The following PDSS2 variants were observed in gnomAD, a reference collection of about 807,000 sequenced individuals.
PDSS2 encodes all trans-polyprenyl-diphosphate synthase PDSS2.
Under a neutral mutation model 44.5 loss-of-function variants are expected in PDSS2, and 31 were observed. The ratio of observed to expected loss-of-function variants is 0.70; its 90% confidence interval spans 0.52 to 0.94. The LOEUF is 0.94. PDSS2 is among the 40% of genes least tolerant of loss of function. PDSS2 has a pLI of 0.00. For missense variants in PDSS2, 452 were observed against 482.2 expected (o/e 0.94, Z 0.59); for synonymous variants, 157 against 180.3 (o/e 0.87, Z 1.03).
chr6:107,260,079 A>C (rs1187341601), intron 3 of PDSS2, among the ~76,000 whole-genome samples: 1 of 152,220 alleles, frequency 6.6e-6, no homozygotes, highest in Non-Finnish European at 1.5e-5. Context: ...TTAAAAAGAA[A>C]CTTGCTTGGC....
At chr6:107,264,960 C>T (rs1206951517) in intron 3 of PDSS2, among the ~76,000 whole-genome samples, 5 of 152,098 alleles carry the variant, frequency 3.3e-5, no homozygotes, top group African/African-American at 1.2e-4. Context: ...CAGTGAAGTA[C>T]TAAAATAAAA....
chr6:107,233,037 A>C (rs529063698), intron 4 of PDSS2, among the ~76,000 whole-genome samples: 117 of 152,150 alleles, frequency 7.7e-4, no homozygotes, highest in Non-Finnish European at 1.4e-3. Context: ...GACTGGTCTC[A>C]AACTCCTGGG....
At chr6:107,320,896 A>T (rs1016719530) in intron 2 of PDSS2, among the ~76,000 whole-genome samples, 6 of 152,194 alleles carry the variant, frequency 3.9e-5, no homozygotes, top group African/African-American at 1.4e-4. Flanking sequence ...ACCCTACTTC[A>T]TAGGTTGTCT....
intron 3 of PDSS2, among the ~76,000 whole-genome samples, chr6:107,246,683 T>C (rs992995630): frequency 2.0e-5 from 3 of 152,232 alleles, no homozygotes; most frequent in Non-Finnish European, 4.4e-5. Context: ...TGACATTAAT[T>C]TGTAGAAAGA....
rs563436685 is a variant in PDSS2, at chr6:107,323,829, T to A, written c.431+10369A>T. Among the ~76,000 whole-genome samples the A allele has an allele frequency of 1.8e-4, 27 of 152,338 alleles. No individual in the cohort carries two copies. The East Asian group carries it at 4.8e-3, about 27-fold the overall frequency. On this transcript the variant is annotated intron_variant, in intron 2 of 7. Coordinates refer to ENST00000369037, the MANE Select transcript of PDSS2 (RefSeq NM_020381.4). Reference sequence around the variant, plus strand: ...CAGCCCTTCTTTAAGGAAAGGATTTTAAAATTTTTTACTATTAACAAAAAC... The same window carrying A: ...CAGCCCTTCTTTAAGGAAAGGATTTAAAAATTTTTTACTATTAACAAAAAC...
chr6:107,402,533 T>TATATA (rs1780174021), intron 1 of PDSS2, among the ~76,000 whole-genome samples: 1 of 63,816 alleles, frequency 1.6e-5, no homozygotes, highest in Admixed American at 1.7e-4. Context: ...TACATACATT[T>TATATA]TATATATATA....
At chr6:107,404,710 A>G (rs556949176) in intron 1 of PDSS2, among the ~76,000 whole-genome samples, 3 of 152,304 alleles carry the variant, frequency 2.0e-5, no homozygotes, top group Admixed American at 6.5e-5. Flanking sequence ...CCATGATTCA[A>G]TTACCTTCCC....
chr6:107,389,597 A>G (rs559826422), intron 1 of PDSS2, among the ~76,000 whole-genome samples: 1 of 152,332 alleles, frequency 6.6e-6, no homozygotes, highest in African/African-American at 2.4e-5. Context: ...GCTACAAGGA[A>G]TACTGTGGTA....
chr6:107,269,857 G>A (rs1011843700), intron 3 of PDSS2, among the ~76,000 whole-genome samples: 1 of 152,008 alleles, frequency 6.6e-6, no homozygotes. Context: ...AGTAGAGACG[G>A]GGTTTCACTA....
At chr6:107,164,584 G>C (rs1771270448) in intron 7 of PDSS2, among the ~76,000 whole-genome samples, 1 of 152,136 alleles carries the variant, frequency 6.6e-6, no homozygotes, top group Non-Finnish European at 1.5e-5. Context: ...CATTTGGGTT[G>C]GTTCCAAGTC....
intron 1 of PDSS2, among the ~76,000 whole-genome samples, chr6:107,347,542 C>T (rs1010260594): frequency 1.3e-5 from 2 of 152,008 alleles, no homozygotes; most frequent in East Asian, 1.9e-4. Flanking sequence ...AGATTACAGG[C>T]GTGAGCCACT....
At chr6:107,167,480 A>G (rs2114344244) in intron 7 of PDSS2, among the ~76,000 whole-genome samples, 1 of 152,192 alleles carries the variant, frequency 6.6e-6, no homozygotes, top group Middle Eastern at 3.4e-3. Flanking sequence ...TGTCTCCTTC[A>G]GTTCTGCTCT....
intron 7 of PDSS2, among the ~76,000 whole-genome samples, chr6:107,189,941 G>A (rs565153046): frequency 8.8e-4 from 134 of 151,968 alleles, no homozygotes; most frequent in South Asian, 1.5e-3. Flanking sequence ...AAAAATAGCC[G>A]GGTGTGGTGA....
chr6:107,206,272 A>G (rs1253266429), intron 6 of PDSS2, among the ~76,000 whole-genome samples: 2 of 152,076 alleles, frequency 1.3e-5, no homozygotes, highest in Non-Finnish European at 2.9e-5. Context: ...GGGTTTCACC[A>G]TGTTGGACAG....
chr6:107,384,338 T>C (rs1392523200), intron 1 of PDSS2, among the ~76,000 whole-genome samples: 1 of 152,052 alleles, frequency 6.6e-6, no homozygotes, highest in African/African-American at 2.4e-5. Context: ...ACTCTGTAAA[T>C]ACACTAAAAC....
intron 4 of PDSS2, among the ~76,000 whole-genome samples, chr6:107,213,164 C>G (rs1773285997): frequency 6.6e-6 from 1 of 151,886 alleles, no homozygotes; most frequent in East Asian, 2.0e-4. Context: ...CATGCACCAC[C>G]ACACCAAGTT....
At chr6:107,433,508 T>C (rs565388467) in intron 1 of PDSS2, among the ~76,000 whole-genome samples, 152 of 152,252 alleles carry the variant, frequency 1.0e-3, no homozygotes, top group African/African-American at 3.5e-3. Context: ...GCCAAGAACA[T>C]GCATTGGGGA....
At chr6:107,189,399 ATGACCTT>A in intron 7 of PDSS2, among the ~76,000 whole-genome samples, 1 of 152,080 alleles carries the variant, frequency 6.6e-6, no homozygotes. Flanking sequence ...ATGCAAAGAC[ATGACCTT>A]GGCTCACTGC....
chr6:107,195,818 C>T (rs1326044156), intron 6 of PDSS2, among the ~76,000 whole-genome samples: 1 of 152,176 alleles, frequency 6.6e-6, no homozygotes, highest in Non-Finnish European at 1.5e-5. Context: ...CCTCAGCCTC[C>T]CAAAGTGTTG....
Sources: gnomAD v4.1 joint callset for allele counts (sites outside exome capture counted in the v4.1 genomes callset) on GRCh38, gnomAD v4.1.1 for gene constraint, MANE v1.5 for transcripts, NCBI Gene and HGNC (gene_info 2026-07-23, HGNC 2026-07-21) for gene names.